The following KIFC3 variants were observed in gnomAD, a reference collection of about 807,000 sequenced individuals.
The protein encoded by KIFC3 is kinesin-like protein KIFC3.
Under a neutral mutation model 101.8 loss-of-function variants are expected in KIFC3, and 60 were observed. The observed-to-expected ratio is 0.59, with a 90% CI of 0.48 to 0.73. The LOEUF (loss-of-function observed/expected upper bound fraction) is 0.73. Ranked by LOEUF, KIFC3 falls within the 30% of genes least tolerant of loss-of-function variation. The pLI, the probability that KIFC3 is intolerant of heterozygous loss-of-function variation, is 0.00. For synonymous variants in KIFC3, 476 were observed against 482.7 expected, an observed-to-expected ratio of 0.99 and a Z score of 0.18; for missense variants, 966 against 1,137.1, an observed-to-expected ratio of 0.85 and a Z score of 2.16.
At chr16:57,783,438 G>T (rs1568012645) in intron 3 of KIFC3, among the ~76,000 whole-genome samples, 1 of 149,624 alleles carries the variant, frequency 6.7e-6, no homozygotes, top group Non-Finnish European at 1.5e-5. Flanking sequence ...TTTATGGCAT[G>T]TGAATTATAT....
chr16:57,764,275 T>TGGGGGGGTGGGGGGGTGGG, intron 11 of KIFC3, 28 bp from the exon 12 acceptor site: 1 of 539,938 alleles, frequency 1.9e-6, no homozygotes, highest in African/African-American at 2.0e-5. Context: ...GGGAGGCTGG[T>TGGGGGGGTGGGGGGGTGGG]GGGGGGGCTT....
At position 57,776,281 on chromosome 16, in the gene KIFC3, G is replaced by A. The variant is rs138359071; in HGVS notation, c.316-3993C>T. 9.2e-3 allele frequency: 9,019 copies of A among 985,480 alleles called. 42 individuals are homozygous for A. The highest frequency in any genetic ancestry group is 0.01 in the Non-Finnish European group (8,458 of 829,970). The allele number at this position is 985,480 out of a possible 1,614,324, so 61.0% of individuals were successfully genotyped here. A position where few individuals can be genotyped will look rare whatever the true frequency, so the allele number is the denominator to read the frequency against. ...CCAGAGGCCAGCGGGGCGGCCCTGG[G>A]AGCACACCCTGTGGAGCCCACAGAA... On this transcript the variant is annotated intron_variant, in intron 3 of 19. Transcript: ENST00000445690.
At chr16:57,788,466 C>T in intron 3 of KIFC3, 1 of 1,046,018 alleles carries the variant, frequency 9.6e-7, no homozygotes, top group Non-Finnish European at 1.2e-6. Flanking sequence ...GTCTAGGCCA[C>T]CTCCAGCCGG....
Position 57,760,328 on chromosome 16 carries a change from A to T in KIFC3, c.2321T>A (p.Leu774Gln). ...CCAGGACCCAAGCTCTGCCCTGCGT[A>T]GCCCAGGCCCCAGCTCCACAGAGCG... is the stretch of plus-strand genomic sequence containing the variant. ...RVRSVELGPG[L>Q]RRAELGSWSS... Residue 774 changes from leucine to glutamine, a missense_variant, in exon 17 of 20, where the codon CTA becomes CAA. By Grantham distance (113) the Leu-to-Gln change is moderately radical. Around this residue, in one of 2 missense-constraint regions of KIFC3, gnomAD observed 689 missense variants for 884.6 expected, o/e 0.78. Transcript: ENST00000445690. The T allele has an allele frequency of 6.2e-7, 1 of 1,613,904 alleles. No homozygotes were observed. Among genetic ancestry groups the T allele is most frequent in the Non-Finnish European group, 8.5e-7 (1 of 1,179,954 alleles).
chr16:57,774,835 T>C, intron 3 of KIFC3: 1 of 1,319,878 alleles, frequency 7.6e-7, no homozygotes, highest in South Asian at 1.8e-5. Context: ...CCAGTAATTT[T>C]TCAGTCTCAA....
At chr16:57,801,740 A>G (rs1333072476) in intron 1 of KIFC3, among the ~76,000 whole-genome samples, 1 of 152,174 alleles carries the variant, frequency 6.6e-6, no homozygotes, top group Non-Finnish European at 1.5e-5. Context: ...ATCTCCCAGG[A>G]CCAGGCCCTT....
At chr16:57,796,920 T>C (rs1203972043) in intron 2 of KIFC3, among the ~76,000 whole-genome samples, 1 of 152,250 alleles carries the variant, frequency 6.6e-6, no homozygotes, top group Non-Finnish European at 1.5e-5. Flanking sequence ...TTGTAATACT[T>C]AGGACAACCT....
At chr16:57,805,865 G>A (rs984601233), upstream of KIFC3, among the ~76,000 whole-genome samples, 3 of 151,828 alleles carry the variant, frequency 2.0e-5, no homozygotes, top group African/African-American at 4.8e-5. Flanking sequence ...TAGTAGAGAC[G>A]GTGTTTTGCC....
In KIFC3 at chr16:57,802,004, G is replaced by A. The variant is rs571358060; in HGVS notation, c.-40+366C>T. On this transcript the variant is annotated intron_variant, in intron 1 of 19. Coordinates refer to ENST00000445690, the MANE Select transcript of KIFC3 (RefSeq NM_001130100.2). This position sits in a 1 kb window ranked among gnomAD's most constrained non-coding sequence, Gnocchi z 5.0. ...AGGGACCCAAAGGCAGCCTTCCAGG[G>A]AGCCCTGGGGGTGGGGAAGACGCCA... is the stretch of plus-strand genomic sequence containing the variant. 1.3e-5 allele frequency among the ~76,000 whole-genome samples: 2 copies of A among 152,356 alleles called. No individual in the cohort carries two copies. The highest frequency in any genetic ancestry group is 2.4e-5 in the African/African-American group (1 of 41,600).
intron 1 of KIFC3, among the ~76,000 whole-genome samples, chr16:57,851,216 T>G (rs2056052045): frequency 6.6e-6 from 1 of 152,066 alleles, no homozygotes; most frequent in African/African-American, 2.4e-5. Flanking sequence ...GGTCTCATTA[T>G]GTTGCCCAGG....
intron 4 of KIFC3, 132 bp downstream of exon 4, chr16:57,772,091 C>T (rs1206984082): frequency 3.2e-5 from 25 of 770,050 alleles, no homozygotes; most frequent in South Asian, 1.7e-5. Context: ...ATAAGGCTCT[C>T]GGTGTGTTTC....
chr16:57,769,448 G>A lies in KIFC3; in HGVS notation c.1218+147C>T. On this transcript the variant is annotated intron_variant, in intron 9 of 19. Transcript: ENST00000445690. This position sits in a 1 kb window ranked among gnomAD's most constrained non-coding sequence, Gnocchi z 4.3. ...TCTAGTTTCAAACAGGGCCTATAAG[G>A]GCAGCAGTAAGTGTCATGGGGGGTG... The A allele has an allele frequency of 1.0e-6, 1 of 961,664 alleles. No individual in the cohort carries two copies. 59.6% of individuals were successfully genotyped at this position (961,664 alleles called of 1,614,324 possible).
At chr16:57,828,623 C>T (rs550429089) in intron 1 of KIFC3, among the ~76,000 whole-genome samples, 58 of 152,328 alleles carry the variant, frequency 3.8e-4, no homozygotes, top group Admixed American at 1.5e-3. Flanking sequence ...CCGTCTCTGG[C>T]AGACCTGGGC....
rs559080945 is a variant in KIFC3 at position 57,783,060 on chromosome 16, A to G, written c.316-10772T>C. On this transcript the variant is annotated intron_variant, in intron 3 of 19. Coordinates refer to ENST00000445690, the MANE Select transcript of KIFC3 (RefSeq NM_001130100.2). Reference sequence around the variant, plus strand: ...GGGTAAGCTCGGGGGTTCTCCTAAGAGAGGCTAGAGAGCTGGGGCTCAAAT... The same window carrying G: ...GGGTAAGCTCGGGGGTTCTCCTAAGGGAGGCTAGAGAGCTGGGGCTCAAAT... Among the ~76,000 whole-genome samples, 188 of 152,334 alleles carry G rather than the reference A, an allele frequency of 1.2e-3. 1 individual carries two copies. The highest frequency in any genetic ancestry group is 4.5e-3 in the African/African-American group (186 of 41,596).
intron 2 of KIFC3, among the ~76,000 whole-genome samples, chr16:57,795,817 C>T (rs554190644): frequency 4.1e-4 from 62 of 152,052 alleles, no homozygotes; most frequent in African/African-American, 1.2e-3. Flanking sequence ...AACAATATCC[C>T]GAGTGCCAGC....
intron 10 of KIFC3, among the ~76,000 whole-genome samples, chr16:57,766,262 C>T (rs931509247): frequency 3.3e-5 from 5 of 152,254 alleles, no homozygotes; most frequent in Admixed American, 1.3e-4. Flanking sequence ...TTCACCCATC[C>T]GTTCCAGCTC....
intron 9 of KIFC3, among the ~76,000 whole-genome samples, chr16:57,767,245 C>G (rs888350010): frequency 2.0e-5 from 3 of 152,232 alleles, no homozygotes; most frequent in African/African-American, 7.2e-5. Flanking sequence ...CAGGACTCAG[C>G]CCTCCACACC....
chr16:57,767,864 T>TG (rs2050667333), intron 9 of KIFC3, among the ~76,000 whole-genome samples: 1 of 152,078 alleles, frequency 6.6e-6, no homozygotes, highest in African/African-American at 2.4e-5. Context: ...TTTGTAGAGA[T>TG]GGGGTCCCAC....
upstream of KIFC3, chr16:57,807,946 A>AAAAC (rs1555627227): frequency 2.1e-5 from 3 of 142,020 alleles, no homozygotes; most frequent in African/African-American, 9.3e-5. Flanking sequence ...AAAAAAAAAA[A>AAAAC]AAAAAAAAAA....
Sources: allele counts gnomAD v4.1 joint callset (sites outside exome capture counted in the v4.1 genomes callset), GRCh38; gene constraint gnomAD v4.1.1; regional missense constraint gnomAD v4.1.1; non-coding constraint Gnocchi (gnomAD v3.1); transcripts MANE v1.5; gene names NCBI Gene and HGNC (gene_info 2026-07-23, HGNC 2026-07-21).